LRRIQ3: variants seen among roughly 807,000 people sequenced by gnomAD.
The protein encoded by LRRIQ3 is leucine-rich repeat and IQ domain-containing protein 3.
In LRRIQ3, 75 loss-of-function variants were observed where a neutral mutation model predicts 59.3. That is an observed-to-expected ratio of 1.26 (90% confidence interval 1.05 to 1.53). The LOEUF (loss-of-function observed/expected upper bound fraction) is 1.53. Among genes scored for constraint, LRRIQ3 ranks in the 40% most tolerant of loss-of-function variants. The pLI is 0.00. For missense variants in LRRIQ3, 831 were observed against 710.0 expected (o/e 1.17, Z -1.94); for synonymous variants, 250 against 231.3 (o/e 1.08, Z -0.73).
At chr1:74,120,278 T>C (rs113044163) in intron 4 of LRRIQ3, among the ~76,000 whole-genome samples, 9 of 151,986 alleles carry the variant, frequency 5.9e-5, no homozygotes, top group African/African-American at 2.2e-4. Context: ...CAACCATGCC[T>C]AGCTCGTTTT....
chr1:74,068,295 A>G (rs1654923858), intron 6 of LRRIQ3, among the ~76,000 whole-genome samples: 1 of 152,042 alleles, frequency 6.6e-6, no homozygotes, highest in Admixed American at 6.6e-5. Flanking sequence ...TTTATTTCTC[A>G]TCTAAGAATC....
chr1:74,035,535 C>T (rs1268959363), intron 7 of LRRIQ3, among the ~76,000 whole-genome samples: 1 of 152,044 alleles, frequency 6.6e-6, no homozygotes, highest in Non-Finnish European at 1.5e-5. Flanking sequence ...AACTTTAAAA[C>T]CTTCACCATA....
At chr1:74,169,293 G>A (rs1649181224) in intron 3 of LRRIQ3, among the ~76,000 whole-genome samples, 1 of 152,010 alleles carries the variant, frequency 6.6e-6, no homozygotes, top group African/African-American at 2.4e-5. Flanking sequence ...AATTGTGTAT[G>A]TATAGTTTAT....
chr1:74,084,817 C>T (rs1356612580), intron 5 of LRRIQ3, among the ~76,000 whole-genome samples: 1 of 151,632 alleles, frequency 6.6e-6, no homozygotes, highest in African/African-American at 2.4e-5. Flanking sequence ...ATCTACTATT[C>T]ATTAATTTAT....
At chr1:74,082,140 T>C (rs984110242) in intron 5 of LRRIQ3, 1 of 151,604 alleles carries the variant, frequency 6.6e-6, no homozygotes, top group Non-Finnish European at 1.5e-5. Context: ...TTAGTAAATA[T>C]TTAAATTATG....
At chr1:74,167,088 C>T (rs1041071212) in intron 3 of LRRIQ3, among the ~76,000 whole-genome samples, 4 of 151,864 alleles carry the variant, frequency 2.6e-5, no homozygotes, top group Non-Finnish European at 4.4e-5. Context: ...ATACAGCAAT[C>T]CCACTCCTGG....
intron 5 of LRRIQ3, among the ~76,000 whole-genome samples, chr1:74,086,676 A>T (rs1045920902): frequency 6.6e-6 from 1 of 152,158 alleles, no homozygotes; most frequent in Non-Finnish European, 1.5e-5. Flanking sequence ...GATTGAGCTC[A>T]TTGGAAAGCA....
In LRRIQ3 at chr1:74,026,827, C is replaced by G; in HGVS notation, c.1861G>C (p.Gly621Arg). The change falls in exon 8 of 8, where the codon GGA becomes CGA. Residue 621 changes from glycine to arginine, a missense_variant. Transcript: ENST00000354431. ...CTGGCATTGATTCATTTTATCAGTC[C>G]ATTGGGAACTTTAAAGTCTAAATTT... ...KTNLDFKVPN[G>R]LIK The G allele has an allele frequency of 6.2e-7, 1 of 1,605,240 alleles. No individual in the cohort carries two copies. Among genetic ancestry groups the G allele is most frequent in the East Asian group, 2.2e-5 (1 of 44,550 alleles).
intron 7 of LRRIQ3, among the ~76,000 whole-genome samples, chr1:74,031,163 G>A (rs1295283718): frequency 1.3e-5 from 2 of 152,156 alleles, no homozygotes; most frequent in Non-Finnish European, 2.9e-5. Flanking sequence ...CATTGTTGGT[G>A]GGACTGTAGA....
At chr1:74,027,944 A>G (rs1653570393) in intron 7 of LRRIQ3, among the ~76,000 whole-genome samples, 1 of 152,082 alleles carries the variant, frequency 6.6e-6, no homozygotes, top group South Asian at 2.1e-4. Flanking sequence ...ATATAAACTA[A>G]AGAGCAAGGA....
chr1:74,052,012 G>C (rs1654385977), intron 6 of LRRIQ3, among the ~76,000 whole-genome samples: 3 of 152,014 alleles, frequency 2.0e-5, no homozygotes, highest in African/African-American at 4.8e-5. Flanking sequence ...CTATGAATCA[G>C]TCCGTTAATA....
chr1:74,158,490 C>A (rs1425019574), intron 3 of LRRIQ3, among the ~76,000 whole-genome samples: 1 of 152,088 alleles, frequency 6.6e-6, no homozygotes, highest in African/African-American at 2.4e-5. Flanking sequence ...CTGCCTTTTT[C>A]AATGATTTGT....
intron 4 of LRRIQ3, among the ~76,000 whole-genome samples, chr1:74,147,821 A>G (rs191384364): frequency 6.6e-6 from 1 of 152,064 alleles, no homozygotes; most frequent in African/African-American, 2.4e-5. Context: ...ATGTGGGTCT[A>G]TATGTTTTGC....
intron 4 of LRRIQ3, among the ~76,000 whole-genome samples, chr1:74,153,957 T>C (rs907668179): frequency 6.6e-6 from 1 of 152,044 alleles, no homozygotes; most frequent in Non-Finnish European, 1.5e-5. Context: ...ATTAAATTTT[T>C]AAGGCTGGGC....
chr1:74,188,820 A>C (rs1029141347), intron 1 of LRRIQ3, among the ~76,000 whole-genome samples: 1 of 152,188 alleles, frequency 6.6e-6, no homozygotes, highest in Non-Finnish European at 1.5e-5. Context: ...AAGACTTCTA[A>C]GTACAAATGA....
intron 5 of LRRIQ3, chr1:74,082,394 A>G (rs1646283281): frequency 6.6e-6 from 1 of 151,604 alleles, no homozygotes; most frequent in Admixed American, 6.6e-5. Flanking sequence ...ATATGAGTTT[A>G]CACTGCTTAA....
intron 4 of LRRIQ3, among the ~76,000 whole-genome samples, chr1:74,138,041 T>C (rs1421214498): frequency 6.6e-6 from 1 of 151,476 alleles, no homozygotes; most frequent in African/African-American, 2.4e-5. Flanking sequence ...TGTATACCTG[T>C]ATAACAAACC....
At chr1:74,183,379 T>G in intron 2 of LRRIQ3, 57 bp downstream of exon 2, 1 of 1,440,078 alleles carries the variant, frequency 6.9e-7, no homozygotes, top group Non-Finnish European at 9.3e-7. Flanking sequence ...ACATAAGTAC[T>G]TATTATAAGA....
chr1:74,058,901 C>T (rs1654618373), intron 6 of LRRIQ3, among the ~76,000 whole-genome samples: 1 of 151,938 alleles, frequency 6.6e-6, no homozygotes, highest in South Asian at 2.1e-4. Flanking sequence ...ATTTTACATC[C>T]AGCAATGTAT....
Sources: gnomAD v4.1 joint callset for allele counts (sites outside exome capture counted in the v4.1 genomes callset) on GRCh38, gnomAD v4.1.1 for gene constraint, MANE v1.5 for transcripts, NCBI Gene and HGNC (gene_info 2026-07-23, HGNC 2026-07-21) for gene names.